The following TBCD variants were observed in gnomAD, a reference collection of about 807,000 sequenced individuals.
TBCD encodes the protein tubulin folding cofactor D, also known as tubulin-specific chaperone D.
A neutral mutation model predicts 169.3 loss-of-function variants in TBCD; 105 were observed. The ratio of observed to expected loss-of-function variants is 0.62; its 90% CI spans 0.53 to 0.73. TBCD has a LOEUF of 0.73. Ranked by LOEUF, TBCD falls within the 30% of genes least tolerant of loss-of-function variation. The pLI is 0.00. For missense variants in TBCD, 1,444 were observed against 1,600.1 expected (o/e 0.90, Z 1.66); for synonymous variants, 700 against 643.9 (o/e 1.09, Z -1.32).
intron 7 of TBCD, among the ~76,000 whole-genome samples, chr17:82,784,669 C>A (rs2049175301): frequency 6.6e-6 from 1 of 152,094 alleles, no homozygotes; most frequent in Non-Finnish European, 1.5e-5. Context: ...GGGTGGGGGT[C>A]CTGGGAATTC....
rs549235395 is a variant in TBCD at position 82,928,657 on chromosome 17, G to A, written c.2694-456G>A. On this transcript the variant is annotated intron_variant, in intron 30 of 38. Coordinates refer to ENST00000355528, the MANE Select transcript of TBCD (RefSeq NM_005993.5). ...GTCTCTCTGTCAGGGACACTCGGCC[G>A]TGGGGATCCCAGGGCCTGATTTCCT... Among the ~76,000 whole-genome samples, 19 of 152,198 alleles carry A rather than the reference G, an allele frequency of 1.2e-4. 1 individual carries two copies. In the Middle Eastern group the frequency reaches 0.01, roughly 82 times the overall value.
At position 82,806,022 on chromosome 17, in the gene TBCD, T is replaced by A; in HGVS notation, c.1087+11T>A. 1 of 1,609,308 alleles carries A rather than the reference T, an allele frequency of 6.2e-7. No homozygotes were observed. The highest frequency in any genetic ancestry group is 8.5e-7 in the Non-Finnish European group (1 of 1,176,410). On this transcript the variant is annotated intron_variant, in intron 10 of 38. Coordinates refer to ENST00000355528, the MANE Select transcript of TBCD (RefSeq NM_005993.5). The surrounding 1 kb of genome is among the most constrained non-coding windows in gnomAD (Gnocchi z 5.1). ...TGGAGCGTGTGATAGGTGCGTGGGGTCTAAGCGGCGGCCTCTGCTCTTGGG... is the reference window on the plus strand; with the variant it reads ...TGGAGCGTGTGATAGGTGCGTGGGGACTAAGCGGCGGCCTCTGCTCTTGGG...
intron 14 of TBCD, 123 bp downstream of exon 14, chr17:82,870,503 G>A: frequency 2.3e-6 from 3 of 1,315,004 alleles, no homozygotes; most frequent in Non-Finnish European, 3.1e-6. Flanking sequence ...TTGGCCAGAG[G>A]ATCTGTGACA....
chr17:82,877,308 G>C (rs1170077805), intron 14 of TBCD, among the ~76,000 whole-genome samples: 3 of 152,076 alleles, frequency 2.0e-5, no homozygotes, highest in African/African-American at 7.2e-5. Context: ...AAAAGATTTA[G>C]AATAAACTGC....
At chr17:82,912,039 A>G (rs2060682865) in intron 23 of TBCD, among the ~76,000 whole-genome samples, 1 of 152,234 alleles carries the variant, frequency 6.6e-6, no homozygotes, top group Non-Finnish European at 1.5e-5. Flanking sequence ...CCCAGGAGCC[A>G]CTGGTTCTGG....
chr17:82,934,220 G>GTCTGT (rs2062440005), intron 34 of TBCD, among the ~76,000 whole-genome samples: 2 of 152,256 alleles, frequency 1.3e-5, no homozygotes, highest in Admixed American at 1.3e-4. Context: ...TCCCGCTGGA[G>GTCTGT]TCTGCCACCT....
intron 6 of TBCD, among the ~76,000 whole-genome samples, chr17:82,777,044 G>A (rs923047383): frequency 2.6e-5 from 4 of 152,000 alleles, no homozygotes; most frequent in Non-Finnish European, 4.4e-5. Context: ...GCCCCAGGTG[G>A]TTGTTGGCCT....
At chr17:82,940,276 G>A (rs1326311123) in intron 37 of TBCD, among the ~76,000 whole-genome samples, 5 of 151,500 alleles carry the variant, frequency 3.3e-5, no homozygotes, top group Admixed American at 6.6e-5. Flanking sequence ...TCGTCACCCC[G>A]TGTTGGAGAT....
At chr17:82,919,962 TG>T (rs2061316823) in intron 23 of TBCD, among the ~76,000 whole-genome samples, 1 of 152,036 alleles carries the variant, frequency 6.6e-6, no homozygotes. Context: ...CGTCTGCGAG[TG>T]GGTTCCGTTG....
Position 82,929,281 on chromosome 17 carries a change from G to A in TBCD, c.2852+10G>A, listed in dbSNP as rs564445548. 1 of 1,612,900 alleles carries A rather than the reference G, an allele frequency of 6.2e-7. No individual in the cohort carries two copies. Among genetic ancestry groups the A allele is most frequent in the South Asian group, 1.1e-5 (1 of 91,024 alleles). The stretch of plus-strand genomic sequence containing the variant: ...AAAAGCTGTTTCCCAGGTACTGTCG[G>A]GGTGTAGGCCCCCCGTGCTGGCCCC... On this transcript the variant is annotated intron_variant, in intron 31 of 38. Transcript: ENST00000355528.
intron 13 of TBCD, chr17:82,839,961 G>A (rs2054324161): frequency 6.6e-6 from 1 of 152,534 alleles, no homozygotes; most frequent in Non-Finnish European, 1.5e-5. Context: ...GGCCGGTCTT[G>A]GTGCCGGTGG....
At chr17:82,937,106 T>C (rs1599710987) in intron 34 of TBCD, 165 bp from the exon 35 acceptor site, 4 of 616,128 alleles carry the variant, frequency 6.5e-6, no homozygotes, top group East Asian at 2.8e-5. Context: ...TGTGGAGGTA[T>C]TGGGATGGGG....
chr17:82,918,165 T>C (rs574613968), intron 23 of TBCD: 13 of 153,990 alleles, frequency 8.4e-5, no homozygotes, highest in African/African-American at 3.1e-4. Flanking sequence ...GTCGAGGCCC[T>C]GCCTCTAACT....
intron 7 of TBCD, among the ~76,000 whole-genome samples, chr17:82,796,715 G>A (rs981629681): frequency 2.0e-5 from 3 of 152,188 alleles, no homozygotes; most frequent in South Asian, 2.1e-4. Flanking sequence ...TCCACTCAGC[G>A]CTTAGGAGAG....
At chr17:82,854,369 C>CA (rs1425673525) in intron 13 of TBCD, among the ~76,000 whole-genome samples, 3 of 152,206 alleles carry the variant, frequency 2.0e-5, no homozygotes, top group African/African-American at 7.2e-5. Context: ...TTCCCTCATG[C>CA]AAGCACGTCC....
intron 13 of TBCD, chr17:82,829,394 C>G (rs1018432513): frequency 1.3e-5 from 2 of 153,510 alleles, no homozygotes; most frequent in African/African-American, 4.8e-5. Context: ...GCTGCCACAG[C>G]TATCAGCTCT....
At chr17:82,887,427 T>G (rs781700422) in intron 15 of TBCD, among the ~76,000 whole-genome samples, 2 of 152,134 alleles carry the variant, frequency 1.3e-5, no homozygotes, top group Non-Finnish European at 2.9e-5. Flanking sequence ...GCTGTAGCTT[T>G]CTTCTCTCGG....
chr17:82,883,938 C>T (rs1487576083), intron 14 of TBCD, among the ~76,000 whole-genome samples: 1 of 151,784 alleles, frequency 6.6e-6, no homozygotes, highest in Non-Finnish European at 1.5e-5. Flanking sequence ...GGTCGGCCAC[C>T]CCCAGCTCCC....
chr17:82,830,871 A>G, intron 13 of TBCD: 1 of 1,612,884 alleles, frequency 6.2e-7, no homozygotes, highest in African/African-American at 1.3e-5. Context: ...CGTTCACAAC[A>G]TTGAGGCTAG....
Sources: allele counts gnomAD v4.1 joint callset (sites outside exome capture counted in the v4.1 genomes callset), GRCh38; gene constraint gnomAD v4.1.1; non-coding constraint Gnocchi (gnomAD v3.1); transcripts MANE v1.5; gene names NCBI Gene and HGNC (gene_info 2026-07-23, HGNC 2026-07-21).